Variants in SLC7A6 observed in about 807,000 individuals in gnomAD.
SLC7A6 encodes Y+L amino acid transporter 2.
A neutral mutation model predicts 46.6 loss-of-function variants in SLC7A6; 29 were observed. The ratio of observed to expected loss-of-function variants is 0.62; its 90% CI spans 0.46 to 0.85. The LOEUF (loss-of-function observed/expected upper bound fraction) is 0.85, where lower values mean the gene tolerates loss of function less well. Among genes scored for constraint, SLC7A6 ranks in the 40% least tolerant of loss-of-function variants. SLC7A6 has a pLI of 0.00. For missense variants in SLC7A6, 527 were observed against 647.6 expected (o/e 0.81, Z 2.02); for synonymous variants, 276 against 257.3 (o/e 1.07, Z -0.70).
chr16:68,275,388 G>T (rs944092537), intron 3 of SLC7A6, 139 bp downstream of exon 3: 6 of 1,044,764 alleles, frequency 5.7e-6, no homozygotes, highest in Non-Finnish European at 8.3e-6. Context: ...CTGAGGTTGG[G>T]AGTTCGAGAC....
chr16:68,278,103 C>T (rs955122094), intron 3 of SLC7A6, among the ~76,000 whole-genome samples: 51 of 151,910 alleles, frequency 3.4e-4, no homozygotes, highest in Admixed American at 5.9e-4. Context: ...AATATAGGTG[C>T]GCACCACCAT....
chr16:68,266,120 TGTG>T (rs996143495), intron 1 of SLC7A6, among the ~76,000 whole-genome samples: 6 of 151,844 alleles, frequency 4.0e-5, no homozygotes, highest in Non-Finnish European at 8.8e-5. Context: ...TTGAGCCAGG[TGTG>T]GTGGTGGGCA....
intron 3 of SLC7A6, among the ~76,000 whole-genome samples, chr16:68,280,601 T>A (rs570028859): frequency 1.1e-4 from 17 of 151,676 alleles, no homozygotes; most frequent in South Asian, 8.3e-4. Flanking sequence ...AAAAAAAAAA[T>A]TTCTTTTTTG....
intron 2 of SLC7A6, 40 bp from the exon 3 acceptor site, chr16:68,274,651 A>G: frequency 6.4e-7 from 1 of 1,550,438 alleles, no homozygotes; most frequent in Admixed American, 1.8e-5. Context: ...GAGCCTCACC[A>G]GCTCCTGCCC....
rs2043275025 is a variant in SLC7A6 at position 68,301,497 on chromosome 16, C to T, written c.*4169C>T. 1.8e-6 allele frequency: 2 copies of T among 1,118,610 alleles called. No individual in the cohort carries two copies. The highest frequency in any genetic ancestry group is 1.7e-5 in the South Asian group (1 of 59,590). 69.3% of individuals were successfully genotyped at this position (1,118,610 alleles called of 1,614,324 possible). A position where few individuals can be genotyped will look rare whatever the true frequency, so the allele number is the denominator to read the frequency against. On this transcript the variant is annotated 3_prime_UTR_variant, in exon 11 of 11. Transcript: ENST00000219343. ...CTTCTCAGAAAGGTCTGTTTTTGTT[C>T]CCGATTGTAATGCAAAATCCTTGCT...
chr16:68,287,905 T>C, intron 4 of SLC7A6, 34 bp downstream of exon 4: 1 of 1,606,822 alleles, frequency 6.2e-7, no homozygotes, highest in Non-Finnish European at 8.5e-7. Context: ...CACCAACAGT[T>C]CCTCTGGATT....
intron 1 of SLC7A6, among the ~76,000 whole-genome samples, 163 bp from the exon 2 acceptor site, chr16:68,266,429 AC>A (rs2042535691): frequency 6.6e-6 from 1 of 152,192 alleles, no homozygotes; most frequent in Admixed American, 6.5e-5. Context: ...AGTAATTAGG[AC>A]TGCCCCTGCC....
rs970394413 is a variant in SLC7A6 at position 68,297,997 on chromosome 16, G to GT, written c.*672dup. ...AGACTCTGACCACAGGTTTTATGCTGTTTAGCACAATTTCTATTGAGTCTT... is the reference window on the plus strand; with the variant it reads ...AGACTCTGACCACAGGTTTTATGCTGTTTTAGCACAATTTCTATTGAGTCTT... On this transcript the variant is annotated 3_prime_UTR_variant, in exon 11 of 11. Transcript: ENST00000219343. 1.3e-5 allele frequency: 2 copies of GT among 152,580 alleles called. No homozygotes were observed. The highest frequency in any genetic ancestry group is 4.8e-5 in the African/African-American group (2 of 41,426). 9.5% of individuals were successfully genotyped at this position (152,580 alleles called of 1,614,324 possible).
Position 68,290,543 on chromosome 16 carries a change from A to G in SLC7A6, c.794+3A>G, listed in dbSNP as rs2043028129. On this transcript the variant is annotated splice_donor_region_variant and intron_variant, in intron 5 of 10. Transcript: ENST00000219343. Reference sequence around the variant, plus strand: ...GAAGAAATCAAAAACCCAGAAAGGTAAAGATGGGATCACACTCTCACTCCC... The same window carrying G: ...GAAGAAATCAAAAACCCAGAAAGGTGAAGATGGGATCACACTCTCACTCCC... 1 of 1,614,030 alleles carries G rather than the reference A, an allele frequency of 6.2e-7. No individual in the cohort carries two copies. Among genetic ancestry groups the G allele is most frequent in the Non-Finnish European group, 8.5e-7 (1 of 1,180,034 alleles).
chr16:68,277,014 A>T (rs112086775), intron 3 of SLC7A6, among the ~76,000 whole-genome samples: 1 of 151,946 alleles, frequency 6.6e-6, no homozygotes, highest in Non-Finnish European at 1.5e-5. Context: ...CAAAACAAAA[A>T]AAAAACCTCA....
At chr16:68,287,360 T>G in intron 3 of SLC7A6, 1 of 1,292,488 alleles carries the variant, frequency 7.7e-7, no homozygotes, top group East Asian at 5.5e-5. Flanking sequence ...CCTCACTTAC[T>G]GATGAGTTTC....
intron 7 of SLC7A6, among the ~76,000 whole-genome samples, chr16:68,293,261 C>CA (rs1196105095): frequency 1.3e-5 from 2 of 151,908 alleles, no homozygotes; most frequent in Admixed American, 6.6e-5. Context: ...ACTAAAAATA[C>CA]AAAAAAAGAA....
Position 68,301,287 on chromosome 16 carries a change from C to T in SLC7A6, c.*3959C>T, listed in dbSNP as rs2043268747. The stretch of plus-strand genomic sequence containing the variant: ...CATCACAAGACCATCAGTCTGAATC[C>T]AGGTCGTGGGGGCTGTCATAGCCGA... On this transcript the variant is annotated 3_prime_UTR_variant, in exon 11 of 11. Coordinates refer to ENST00000219343, the MANE Select transcript of SLC7A6 (RefSeq NM_003983.6). 1 of 1,613,886 alleles carries T rather than the reference C, an allele frequency of 6.2e-7. No individual in the cohort carries two copies. Among genetic ancestry groups the T allele is most frequent in the Admixed American group, 1.7e-5 (1 of 59,998 alleles).
At chr16:68,265,529 A>T (rs1408957948) in intron 1 of SLC7A6, 1 of 152,178 alleles carries the variant, frequency 6.6e-6, no homozygotes, top group Non-Finnish European at 1.5e-5. Flanking sequence ...GTGCCCAGCC[A>T]TCCGGGGCTT....
At chr16:68,288,883 G>C (rs1444818153) in intron 4 of SLC7A6, among the ~76,000 whole-genome samples, 1 of 148,178 alleles carries the variant, frequency 6.7e-6, no homozygotes, top group Non-Finnish European at 1.5e-5. Context: ...AGAATGGCTT[G>C]AAAACAGGAG....
At position 68,274,655 on chromosome 16, in the gene SLC7A6, C is replaced by T. The variant is rs2042677346; in HGVS notation, c.-36-36C>T. 3.8e-6 allele frequency: 6 copies of T among 1,566,038 alleles called. No homozygotes were observed. In the Admixed American group the frequency reaches 7.1e-5, roughly 19 times the overall value. ...TGGTCTAAATAGAGCCTCACCAGCTCCTGCCCTAGACTGACATACTTGTAT... is the reference window on the plus strand; with the variant it reads ...TGGTCTAAATAGAGCCTCACCAGCTTCTGCCCTAGACTGACATACTTGTAT... On this transcript the variant is annotated intron_variant, in intron 2 of 10. Transcript: ENST00000219343.
At chr16:68,296,879 G>T in intron 10 of SLC7A6, 69 bp downstream of exon 10, 2 of 1,523,190 alleles carry the variant, frequency 1.3e-6, no homozygotes, top group South Asian at 2.4e-5. Flanking sequence ...GTGGGGGGTG[G>T]CTAACAGCTT....
At chr16:68,294,404 G>A (rs1369492037) in intron 7 of SLC7A6, among the ~76,000 whole-genome samples, 1 of 152,184 alleles carries the variant, frequency 6.6e-6, no homozygotes, top group Non-Finnish European at 1.5e-5. Flanking sequence ...ACAGCAGGGT[G>A]AGGCATCTGT....
chr16:68,292,520 T>G (rs1235301050), intron 7 of SLC7A6: 3 of 152,166 alleles, frequency 2.0e-5, no homozygotes, highest in Non-Finnish European at 2.9e-5. Flanking sequence ...ATGTACTACT[T>G]TTTATTTTTA....
Sources: allele counts gnomAD v4.1 joint callset (sites outside exome capture counted in the v4.1 genomes callset), GRCh38; gene constraint gnomAD v4.1.1; transcripts MANE v1.5; gene names NCBI Gene and HGNC (gene_info 2026-07-23, HGNC 2026-07-21).